The following BCL2L11 variants were observed in gnomAD, a reference collection of about 807,000 sequenced individuals.
The protein encoded by BCL2L11 is BCL2 like 11, also known as bcl-2-like protein 11.
BCL2L11 carries 15 observed loss-of-function variants against 20.6 expected under a neutral mutation model. The observed-to-expected ratio is 0.73, with a 90% confidence interval of 0.49 to 1.12. The LOEUF (loss-of-function observed/expected upper bound fraction) is 1.12, where lower values mean the gene tolerates loss of function less well. BCL2L11 is among the 50% of genes most tolerant of loss of function. The pLI, the probability that BCL2L11 is intolerant of heterozygous loss-of-function variation, is 0.00. For synonymous variants in BCL2L11, 108 were observed against 92.8 expected, an observed-to-expected ratio of 1.16 and a Z score of -0.94; for missense variants, 292 against 260.9, an observed-to-expected ratio of 1.12 and a Z score of -0.82.
chr2:111,131,922 C>A (rs998376043), intron 2 of BCL2L11: 2 of 152,168 alleles, frequency 1.3e-5, no homozygotes, highest in Non-Finnish European at 2.9e-5. Context: ...ATGGTAAGTA[C>A]ATGCTCATAC....
intron 2 of BCL2L11, among the ~76,000 whole-genome samples, chr2:111,124,491 C>T (rs2072066414): frequency 6.6e-6 from 1 of 152,124 alleles, no homozygotes; most frequent in Non-Finnish European, 1.5e-5. Context: ...GGGGTTTCAC[C>T]GTGTTAGCCA....
rs771362311 is a variant in BCL2L11 at position 111,165,593 on chromosome 2, G to T, written c.*1362G>T. ...TGTAGTGAGGGTGCTCTTTCTCTGT[G>T]CCTGCTCCTTATGAGTGCAGTGGAA... On this transcript the variant is annotated 3_prime_UTR_variant, in exon 4 of 4. Coordinates refer to ENST00000393256, the MANE Select transcript of BCL2L11 (RefSeq NM_138621.5). The T allele has an allele frequency of 2.0e-5, 3 of 152,096 alleles. No individual in the cohort carries two copies. Among genetic ancestry groups the T allele is most frequent in the Non-Finnish European group, 4.4e-5 (3 of 68,040 alleles). 9.4% of individuals were successfully genotyped at this position (152,096 alleles called of 1,614,324 possible). A position where few individuals can be genotyped will look rare whatever the true frequency, so the allele number is the denominator to read the frequency against.
chr2:111,124,293 CTT>C (rs375204950), intron 2 of BCL2L11, among the ~76,000 whole-genome samples, 154 bp downstream of exon 2: 2,030 of 142,746 alleles, frequency 0.014, 50 homozygotes, highest in African/African-American at 0.048. Context: ...ATCAAACCAA[CTT>C]TTTTTTTTTT....
At chr2:111,154,431 T>C (rs748763524) in intron 3 of BCL2L11, among the ~76,000 whole-genome samples, 6 of 152,232 alleles carry the variant, frequency 3.9e-5, no homozygotes, top group Admixed American at 6.5e-5. Context: ...TCACGTGTTT[T>C]ACCTCTGGTT....
chr2:111,159,787 G>A (rs540846957), intron 3 of BCL2L11, among the ~76,000 whole-genome samples: 3 of 152,192 alleles, frequency 2.0e-5, no homozygotes, highest in Non-Finnish European at 4.4e-5. Flanking sequence ...GGAACCCCAC[G>A]CTAGGGCATT....
intron 3 of BCL2L11, among the ~76,000 whole-genome samples, chr2:111,153,019 T>C (rs1443457831): frequency 6.6e-6 from 1 of 152,202 alleles, no homozygotes; most frequent in Non-Finnish European, 1.5e-5. Context: ...GGAGTAGGGA[T>C]AGATTCTAGG....
At chr2:111,135,037 C>T (rs113116718) in intron 2 of BCL2L11, among the ~76,000 whole-genome samples, 5 of 152,100 alleles carry the variant, frequency 3.3e-5, no homozygotes, top group East Asian at 1.9e-4. Context: ...TGGAGTTTCA[C>T]GTTTTATGCC....
intron 2 of BCL2L11, among the ~76,000 whole-genome samples, chr2:111,147,123 G>A (rs1467949035): frequency 6.6e-6 from 1 of 152,088 alleles, no homozygotes; most frequent in Non-Finnish European, 1.5e-5. Context: ...TCTTACTAAT[G>A]TAGTTATTGC....
chr2:111,161,335 G>A (rs960154365), intron 3 of BCL2L11: 40 of 1,478,172 alleles, frequency 2.7e-5, no homozygotes, highest in African/African-American at 4.2e-5. Flanking sequence ...TTTAAAAAAC[G>A]CTTGTAATCA....
At chr2:111,161,928 G>C (rs2078606103) in intron 3 of BCL2L11, among the ~76,000 whole-genome samples, 1 of 152,202 alleles carries the variant, frequency 6.6e-6, no homozygotes, top group African/African-American at 2.4e-5. Flanking sequence ...TGAAGCTGTT[G>C]GCGCTTTGAG....
intron 3 of BCL2L11, among the ~76,000 whole-genome samples, chr2:111,160,191 A>G (rs2078382849): frequency 6.6e-6 from 1 of 151,182 alleles, no homozygotes; most frequent in South Asian, 2.1e-4. Context: ...CTTCCAAGAA[A>G]TTCTCCTCTT....
In BCL2L11 at chr2:111,165,926, A is replaced by G. The variant is rs958384074; in HGVS notation, c.*1695A>G. On this transcript the variant is annotated 3_prime_UTR_variant, in exon 4 of 4. Transcript: ENST00000393256. The stretch of plus-strand genomic sequence containing the variant: ...TAATTTAAAAAATATATATGTATAT[A>G]TTGCATATTCACTTTTTCCTTTAGG... The G allele has an allele frequency of 3.3e-5, 5 of 152,228 alleles. No homozygotes were observed. The highest frequency in any genetic ancestry group is 1.3e-4 in the Admixed American group (2 of 15,286). 9.4% of individuals were successfully genotyped at this position (152,228 alleles called of 1,614,324 possible).
intron 2 of BCL2L11, among the ~76,000 whole-genome samples, chr2:111,141,916 G>A (rs1054073518): frequency 2.6e-5 from 4 of 152,098 alleles, no homozygotes; most frequent in Non-Finnish European, 5.9e-5. Flanking sequence ...GGCCAGGCTG[G>A]TCTTGAACTC....
intron 2 of BCL2L11, among the ~76,000 whole-genome samples, chr2:111,138,426 A>G (rs1262576338): frequency 6.6e-6 from 1 of 152,108 alleles, no homozygotes; most frequent in African/African-American, 2.4e-5. Flanking sequence ...GCTCTTTATA[A>G]TTTTAATCTT....
intron 2 of BCL2L11, among the ~76,000 whole-genome samples, chr2:111,149,081 G>C (rs766889011): frequency 1.1e-4 from 16 of 152,270 alleles, no homozygotes; most frequent in Middle Eastern, 3.4e-3. Flanking sequence ...CACGTGAATA[G>C]CGGTGGAAAT....
At chr2:111,123,404 T>C in intron 1 of BCL2L11, 1 of 985,378 alleles carries the variant, frequency 1.0e-6, no homozygotes, top group Non-Finnish European at 1.2e-6. Context: ...AGTTTCTGAC[T>C]TACTCGAAGA....
intron 2 of BCL2L11, among the ~76,000 whole-genome samples, chr2:111,134,847 CTA>C (rs1428606572): frequency 1.3e-5 from 2 of 152,170 alleles, no homozygotes; most frequent in South Asian, 4.1e-4. Context: ...CTTAGGGCCT[CTA>C]TGGTTTTAGA....
At position 111,127,705 on chromosome 2, in the gene BCL2L11, T is replaced by A. The variant is rs552189089; in HGVS notation, c.394+3566T>A. 3.3e-5 allele frequency among the ~76,000 whole-genome samples: 5 copies of A among 152,184 alleles called. No individual in the cohort carries two copies. In the South Asian group the frequency reaches 1.0e-3, roughly 32 times the overall value. On this transcript the variant is annotated intron_variant, in intron 2 of 3. Coordinates refer to ENST00000393256, the MANE Select transcript of BCL2L11 (RefSeq NM_138621.5). ...TAATTACCTGGATCTAGCTGTAAGG[T>A]TTGCCACGTAGTGGTGACAGCTGAG...
chr2:111,163,618 G>T (rs996179986), intron 3 of BCL2L11, among the ~76,000 whole-genome samples: 1 of 152,118 alleles, frequency 6.6e-6, no homozygotes, highest in Non-Finnish European at 1.5e-5. Flanking sequence ...GTGACCATGG[G>T]CACCCCTCTG....
Sources: gnomAD v4.1 joint callset for allele counts (sites outside exome capture counted in the v4.1 genomes callset) on GRCh38, gnomAD v4.1.1 for gene constraint, MANE v1.5 for transcripts, NCBI Gene and HGNC (gene_info 2026-07-23, HGNC 2026-07-21) for gene names.